Variants in ELAVL3 observed in about 807,000 individuals in gnomAD.
ELAVL3 encodes ELAV-like protein 3.
ELAVL3 carries 8 observed loss-of-function variants against 34.2 expected under a neutral mutation model. The ratio of observed to expected loss-of-function variants is 0.23; its 90% CI spans 0.14 to 0.42. ELAVL3 has a LOEUF of 0.42. Among genes scored for constraint, ELAVL3 ranks in the 10% least tolerant of loss-of-function variants. The probability of loss-of-function intolerance (pLI) is 1.00; values close to 1 mark genes in which losing one functional copy is unlikely to be tolerated. For missense variants in ELAVL3, 273 were observed against 518.8 expected (o/e 0.53, Z 4.60); for synonymous variants, 209 against 222.1 (o/e 0.94, Z 0.53).
chr19:11,461,222 C>A (rs962740465), intron 3 of ELAVL3, among the ~76,000 whole-genome samples: 21 of 151,914 alleles, frequency 1.4e-4, no homozygotes, highest in African/African-American at 5.1e-4. Flanking sequence ...ATTTATTTCC[C>A]AGAAACGGTG....
intron 3 of ELAVL3, among the ~76,000 whole-genome samples, chr19:11,465,363 C>T (rs1034709500): frequency 2.7e-5 from 4 of 149,720 alleles, no homozygotes; most frequent in East Asian, 3.9e-4. Flanking sequence ...CACACACATG[C>T]GTACACATAT....
Position 11,473,473 on chromosome 19 carries a change from A to G in ELAVL3, c.10-6646T>C, listed in dbSNP as rs74257949. On this transcript the variant is annotated intron_variant, in intron 1 of 6. Transcript: ENST00000359227. ...CAATGTCTGCTGTGGCCACACAACT[A>G]GAAACAGCCAGCAGGTACATATTAT... Among the ~76,000 whole-genome samples the G allele has an allele frequency of 2.6e-5, 4 of 152,264 alleles. No individual in the cohort carries two copies. In the East Asian group the frequency reaches 7.7e-4, roughly 29 times the overall value.
At chr19:11,464,934 TAC>T (rs1970999300) in intron 3 of ELAVL3, among the ~76,000 whole-genome samples, 1 of 45,350 alleles carries the variant, frequency 2.2e-5, no homozygotes, top group Non-Finnish European at 3.9e-5. Context: ...ACCACACATA[TAC>T]ACACACCACA....
chr19:11,461,101 C>A (rs1198924199), intron 3 of ELAVL3, among the ~76,000 whole-genome samples: 8 of 151,522 alleles, frequency 5.3e-5, no homozygotes, highest in Admixed American at 5.3e-4. Flanking sequence ...ATCACTTGAA[C>A]CCAGGAGTTA....
Position 11,464,640 on chromosome 19 carries a change from C to T in ELAVL3, c.333+1532G>A, listed in dbSNP as rs1374493870. On this transcript the variant is annotated intron_variant, in intron 3 of 6. Transcript: ENST00000359227. ...CACCACACACACACCACACACACCA[C>T]ACATACACATACATGACACACACAT... 1.8e-3 allele frequency among the ~76,000 whole-genome samples: 239 copies of T among 133,676 alleles called. 3 individuals are homozygous for T. The highest frequency in any genetic ancestry group is 0.01 in the South Asian group (42 of 4,152). 87.7% of individuals were successfully genotyped at this position (133,676 alleles called of 152,430 possible).
chr19:11,462,834 C>T (rs181002082), intron 3 of ELAVL3, among the ~76,000 whole-genome samples: 63 of 151,328 alleles, frequency 4.2e-4, no homozygotes, highest in Middle Eastern at 3.4e-3. Context: ...TGGTGGCTGG[C>T]GCCTGTAGTC....
rs1168753084 is a variant in ELAVL3, at chr19:11,454,658, G to A, written c.972C>T (p.Cys324=). Residue 324 remains cysteine, a synonymous_variant, in exon 7 of 7, where the codon TGC becomes TGT. Coordinates refer to ENST00000359227, the MANE Select transcript of ELAVL3 (RefSeq NM_001420.4). This position sits in a 1 kb window ranked among gnomAD's most constrained non-coding sequence, Gnocchi z 9.2. The stretch of plus-strand genomic sequence containing the variant: ...TCATGGTCACGAAGCCGAAACCCTT[G>A]CACTTGTTGGTGGTGAAATCACGGA... ...KVIRDFTTNK[C]KGFGFVTMTN... is the part of the protein sequence containing the mutation. 1.2e-6 allele frequency: 2 copies of A among 1,614,110 alleles called. No individual in the cohort carries two copies. Among genetic ancestry groups the A allele is most frequent in the Non-Finnish European group, 1.7e-6 (2 of 1,180,036 alleles).
chr19:11,453,942 TC>T lies in ELAVL3; in HGVS notation c.*583del, dbSNP rs1170482816. The T allele has an allele frequency of 6.6e-6, 1 of 151,870 alleles. No individual in the cohort carries two copies. Among genetic ancestry groups the T allele is most frequent in the African/African-American group, 2.4e-5 (1 of 41,190 alleles). The allele number at this position is 151,870 out of a possible 1,614,324, so 9.4% of individuals were successfully genotyped here. ...CTTTTTACAAAAATAGAGTTTTTCT[TC>T]CCCTCCCACCCCCCTTTTTTTTTCA... On this transcript the variant is annotated 3_prime_UTR_variant, in exon 7 of 7. Coordinates refer to ENST00000359227, the MANE Select transcript of ELAVL3 (RefSeq NM_001420.4).
At position 11,480,624 on chromosome 19, in the gene ELAVL3, G is replaced by A; in HGVS notation, c.-16C>T. The A allele has an allele frequency of 1.4e-6, 2 of 1,452,606 alleles. No individual in the cohort carries two copies. Among genetic ancestry groups the A allele is most frequent in the African/African-American group, 1.5e-5 (1 of 68,158 alleles). 90.0% of individuals were successfully genotyped at this position (1,452,606 alleles called of 1,614,324 possible). A position where few individuals can be genotyped will look rare whatever the true frequency, so the allele number is the denominator to read the frequency against. ...CAGTGACCATTCTTGTGTGCCCGGCGGGCGCGGTCCGTGTTGAGGGGGGCT... is the reference window on the plus strand; with the variant it reads ...CAGTGACCATTCTTGTGTGCCCGGCAGGCGCGGTCCGTGTTGAGGGGGGCT... On this transcript the variant is annotated 5_prime_UTR_variant, in exon 1 of 7. Coordinates refer to ENST00000359227, the MANE Select transcript of ELAVL3 (RefSeq NM_001420.4). The surrounding 1 kb of genome is among the most constrained non-coding windows in gnomAD (Gnocchi z 6.8).
rs572260586 is a variant in ELAVL3 at position 11,458,890 on chromosome 19, T to A, written c.334-279A>T. On this transcript the variant is annotated intron_variant, in intron 3 of 6. Transcript: ENST00000359227. This position sits in a 1 kb window ranked among gnomAD's most constrained non-coding sequence, Gnocchi z 7.3. ...GGGGTGACATGTGACCCCAAAGGGA[T>A]CCTTGAATAGCCGGCTCACATCACT... Among the ~76,000 whole-genome samples, 1 of 151,582 alleles carries A rather than the reference T, an allele frequency of 6.6e-6. No homozygotes were observed. Among genetic ancestry groups the A allele is most frequent in the East Asian group, 1.9e-4 (1 of 5,148 alleles).
Position 11,452,396 on chromosome 19 carries a change from A to G in ELAVL3, c.*2130T>C, listed in dbSNP as rs1297528509. ...GGGCAACGAGGAGAATAAATAGTTA[A>G]CATAGCAATAAGTTAAAACTACAAG... On this transcript the variant is annotated 3_prime_UTR_variant, in exon 7 of 7. Transcript: ENST00000359227. 1.3e-5 allele frequency: 2 copies of G among 152,212 alleles called. No individual in the cohort carries two copies. 9.4% of individuals were successfully genotyped at this position (152,212 alleles called of 1,614,324 possible). A position where few individuals can be genotyped will look rare whatever the true frequency, so the allele number is the denominator to read the frequency against.
chr19:11,460,992 C>T (rs1970871281), intron 3 of ELAVL3, among the ~76,000 whole-genome samples: 1 of 141,948 alleles, frequency 7.0e-6, no homozygotes, highest in Non-Finnish European at 1.5e-5. Flanking sequence ...CCCCGTCCTC[C>T]ACCGCCACAA....
rs1970717951 is a variant in ELAVL3, at chr19:11,454,215, C to T, written c.*311G>A. 3.2e-6 allele frequency: 1 copy of T among 313,346 alleles called. No individual in the cohort carries two copies. The highest frequency in any genetic ancestry group is 4.6e-5 in the Admixed American group (1 of 21,810). The allele number at this position is 313,346 out of a possible 1,614,324, so 19.4% of individuals were successfully genotyped here. A position where few individuals can be genotyped will look rare whatever the true frequency, so the allele number is the denominator to read the frequency against. On this transcript the variant is annotated 3_prime_UTR_variant, in exon 7 of 7. Transcript: ENST00000359227. This position sits in a 1 kb window ranked among gnomAD's most constrained non-coding sequence, Gnocchi z 9.2. ...GGGTGGGGGTGGGGGCACATCTCTG[C>T]ATTCTTTTTAGCCGAAAAAAGAAAC... is the stretch of plus-strand genomic sequence containing the variant.
intron 1 of ELAVL3, among the ~76,000 whole-genome samples, chr19:11,468,878 T>TTATTGACTTTTTTTTTACATCAA (rs2033370244): frequency 6.6e-6 from 1 of 152,130 alleles, no homozygotes; most frequent in Admixed American, 6.6e-5. Context: ...ATGTTGAATT[T>TTATTGACTTTTTTTTTACATCAA]TATTGACTTT....
rs1009080848 is a variant in ELAVL3 at position 11,457,936 on chromosome 19, G to A, written c.713+125C>T. ...GGCTGGCCTTGGCACCTGACAGATA[G>A]GCTCCTTGGCTCCCATGTGTGCGCA... On this transcript the variant is annotated intron_variant, in intron 5 of 6. Coordinates refer to ENST00000359227, the MANE Select transcript of ELAVL3 (RefSeq NM_001420.4). The A allele has an allele frequency of 4.0e-6, 4 of 991,678 alleles. No individual in the cohort carries two copies. In the African/African-American group the frequency reaches 4.8e-5, roughly 12 times the overall value. The allele number at this position is 991,678 out of a possible 1,614,324, so 61.4% of individuals were successfully genotyped here.
At chr19:11,469,028 T>C (rs1027147339) in intron 1 of ELAVL3, among the ~76,000 whole-genome samples, 1 of 152,104 alleles carries the variant, frequency 6.6e-6, no homozygotes, top group South Asian at 2.1e-4. Context: ...CCAGCAATCC[T>C]CCCACGTCAG....
At chr19:11,475,148 T>C (rs960213170) in intron 1 of ELAVL3, among the ~76,000 whole-genome samples, 14 of 152,156 alleles carry the variant, frequency 9.2e-5, no homozygotes, top group Admixed American at 8.5e-4. Context: ...TTAATGAGCA[T>C]TCCACTACAC....
At position 11,466,884 on chromosome 19, in the gene ELAVL3, G is replaced by T; in HGVS notation, c.10-57C>A. 6.9e-7 allele frequency: 1 copy of T among 1,439,464 alleles called. No homozygotes were observed. The highest frequency in any genetic ancestry group is 9.5e-7 in the Non-Finnish European group (1 of 1,049,798). 89.2% of individuals were successfully genotyped at this position (1,439,464 alleles called of 1,614,324 possible). A position where few individuals can be genotyped will look rare whatever the true frequency, so the allele number is the denominator to read the frequency against. Reference sequence around the variant, plus strand: ...CCAGTCCCCACACCAGGGGCCTGCGGCAATGAGTGGCTTGGTGGTGATGAA... The same window carrying T: ...CCAGTCCCCACACCAGGGGCCTGCGTCAATGAGTGGCTTGGTGGTGATGAA... On this transcript the variant is annotated intron_variant, in intron 1 of 6. Transcript: ENST00000359227. The surrounding 1 kb of genome is among the most constrained non-coding windows in gnomAD (Gnocchi z 5.0).
intron 5 of ELAVL3, 25 bp from the exon 6 acceptor site, chr19:11,457,173 G>T: frequency 6.4e-7 from 1 of 1,552,026 alleles, no homozygotes; most frequent in East Asian, 2.5e-5. Flanking sequence ...GTGGTGGTCA[G>T]AGGTGGCTTC....
Sources: allele counts gnomAD v4.1 joint callset (sites outside exome capture counted in the v4.1 genomes callset), GRCh38; gene constraint gnomAD v4.1.1; non-coding constraint Gnocchi (gnomAD v3.1); transcripts MANE v1.5; gene names NCBI Gene and HGNC (gene_info 2026-07-23, HGNC 2026-07-21).